PAH: variants seen among roughly 807,000 people sequenced by gnomAD.
PAH encodes phenylalanine-4-hydroxylase.
PAH carries 64 observed loss-of-function variants against 62.0 expected under a neutral mutation model. The ratio of observed to expected loss-of-function variants is 1.03; its 90% CI spans 0.84 to 1.27. The LOEUF (loss-of-function observed/expected upper bound fraction) is 1.27, where lower values mean the gene tolerates loss of function less well. Ranked by LOEUF, PAH falls within the 50% of genes most tolerant of loss-of-function variation. PAH has a pLI of 0.00. For missense variants in PAH, 579 were observed against 542.8 expected (o/e 1.07, Z -0.66); for synonymous variants, 195 against 196.2 (o/e 0.99, Z 0.05).
At chr12:102,950,217 C>T (rs942980312) in intron 1 of PAH, 3 of 152,260 alleles carry the variant, frequency 2.0e-5, no homozygotes, top group South Asian at 4.1e-4. Flanking sequence ...CCTCTCTCTT[C>T]CTCTTCCTCT....
At chr12:102,896,716 T>A (rs1877520067) in intron 2 of PAH, among the ~76,000 whole-genome samples, 1 of 152,176 alleles carries the variant, frequency 6.6e-6, no homozygotes. Context: ...TCATATTCCA[T>A]GCCACCCTCA....
intron 3 of PAH, among the ~76,000 whole-genome samples, chr12:102,891,976 G>C (rs1877296010): frequency 6.6e-6 from 1 of 152,156 alleles, no homozygotes; most frequent in Non-Finnish European, 1.5e-5. Context: ...GTTGAGAGCA[G>C]GTGGCCGGAA....
In PAH at chr12:102,892,470, C is replaced by T. The variant is rs116284140; in HGVS notation, c.352+2265G>A. Reference sequence around the variant, plus strand: ...AATCAGTTGAAAACTTATCTTCACACAAAAAAACTGCACATAAATGTTTAT... The same window carrying T: ...AATCAGTTGAAAACTTATCTTCACATAAAAAAACTGCACATAAATGTTTAT... On this transcript the variant is annotated intron_variant, in intron 3 of 12. Coordinates refer to ENST00000553106, the MANE Select transcript of PAH (RefSeq NM_000277.3). 7.0e-3 allele frequency among the ~76,000 whole-genome samples: 1,065 copies of T among 152,220 alleles called. 18 individuals are homozygous for T. The highest frequency in any genetic ancestry group is 0.024 in the African/African-American group (1,017 of 41,552).
At chr12:102,909,029 T>C (rs964987065) in intron 2 of PAH, among the ~76,000 whole-genome samples, 1 of 151,976 alleles carries the variant, frequency 6.6e-6, no homozygotes, top group Non-Finnish European at 1.5e-5. Flanking sequence ...GGTTTCACCA[T>C]GTTGGCCAGG....
chr12:102,897,483 AT>A (rs1565867745), intron 2 of PAH, among the ~76,000 whole-genome samples: 6 of 146,618 alleles, frequency 4.1e-5, no homozygotes, highest in African/African-American at 1.5e-4. Flanking sequence ...ATATATATAT[AT>A]ATATATATAA....
chr12:102,942,326 C>T (rs1879324269), intron 1 of PAH, among the ~76,000 whole-genome samples: 1 of 152,028 alleles, frequency 6.6e-6, no homozygotes, highest in Non-Finnish European at 1.5e-5. Context: ...ACAATAGCCA[C>T]AAAAATAATA....
chr12:102,866,053 G>C (rs1875941706), intron 5 of PAH, among the ~76,000 whole-genome samples: 1 of 148,030 alleles, frequency 6.8e-6, no homozygotes, highest in Non-Finnish European at 1.5e-5. Flanking sequence ...GCTAAAATAG[G>C]GTAGGGGAGG....
intron 3 of PAH, among the ~76,000 whole-genome samples, chr12:102,885,440 C>T (rs772014742): frequency 8.5e-5 from 13 of 152,300 alleles, no homozygotes; most frequent in African/African-American, 1.7e-4. Context: ...GCCTCTCCGG[C>T]GGGCGGCTGG....
chr12:102,907,346 T>C (rs527299194), intron 2 of PAH, among the ~76,000 whole-genome samples: 3 of 152,270 alleles, frequency 2.0e-5, no homozygotes, highest in East Asian at 3.9e-4. Context: ...TGGGGTGTAA[T>C]AGAAAGATCA....
At chr12:102,863,492 A>G (rs1875821444) in intron 5 of PAH, among the ~76,000 whole-genome samples, 1 of 152,172 alleles carries the variant, frequency 6.6e-6, no homozygotes, top group African/African-American at 2.4e-5. Context: ...AAGCCAATTG[A>G]AATCCCTCAT....
At chr12:102,945,027 A>G (rs1879438457) in intron 1 of PAH, 1 of 152,276 alleles carries the variant, frequency 6.6e-6, no homozygotes, top group South Asian at 2.1e-4. Flanking sequence ...TTACAGAGGT[A>G]CCACCTTGGT....
rs188389221 is a variant in PAH at position 102,928,393 on chromosome 12, A to G, written c.-95-11168T>C. Among the ~76,000 whole-genome samples the G allele has an allele frequency of 8.5e-5, 13 of 152,112 alleles. No individual in the cohort carries two copies. The East Asian group carries it at 2.5e-3, about 29-fold the overall frequency. On this transcript the variant is annotated intron_variant, in intron 1 of 3. Transcript: ENST00000546844. ...TAGTATTCTCATTGTGTGGATGAGA[A>G]GTCTGAGATATTGTAGTCTTCTGGG...
upstream of PAH, among the ~76,000 whole-genome samples, chr12:102,918,413 C>T (rs538716829): frequency 2.2e-4 from 34 of 152,066 alleles, no homozygotes; most frequent in Middle Eastern, 3.4e-3. Flanking sequence ...AAGCCCATCC[C>T]TCTCCTCCCA....
chr12:102,891,854 C>T (rs1466548851), intron 3 of PAH, among the ~76,000 whole-genome samples: 4 of 152,200 alleles, frequency 2.6e-5, no homozygotes, highest in African/African-American at 9.6e-5. Context: ...CTGTCAATTG[C>T]TTTGATTTCC....
Position 102,846,877 on chromosome 12 carries a change from G to A in PAH, c.969+18C>T, listed in dbSNP as rs1348193114. On this transcript the variant is annotated intron_variant, in intron 9 of 12. Coordinates refer to ENST00000553106, the MANE Select transcript of PAH (RefSeq NM_000277.3). ...CCTATAGCACTCCACCATCCACCCA[G>A]GGAGAGAAGGGACTTACTGTGGCGA... is the stretch of plus-strand genomic sequence containing the variant. The A allele has an allele frequency of 3.1e-6, 5 of 1,608,878 alleles. No individual in the cohort carries two copies. Among genetic ancestry groups the A allele is most frequent in the African/African-American group, 1.3e-5 (1 of 74,902 alleles).
intron 8 of PAH, among the ~76,000 whole-genome samples, chr12:102,848,893 G>A (rs1202679370): frequency 1.3e-5 from 2 of 149,656 alleles, no homozygotes; most frequent in African/African-American, 5.0e-5. Flanking sequence ...GTGGAGGGTA[G>A]ACAGAACACA....
At chr12:102,902,504 A>C (rs762014499) in intron 2 of PAH, among the ~76,000 whole-genome samples, 2 of 152,192 alleles carry the variant, frequency 1.3e-5, no homozygotes, top group Non-Finnish European at 2.9e-5. Flanking sequence ...ATTTGGGGTG[A>C]GATACGGTAG....
intron 2 of PAH, among the ~76,000 whole-genome samples, chr12:102,900,839 C>T (rs1877723916): frequency 6.6e-6 from 1 of 152,124 alleles, no homozygotes; most frequent in East Asian, 1.9e-4. Context: ...ACGCTCACCA[C>T]ATCTTTGCTG....
At chr12:102,885,572 C>A (rs1416403390) in intron 3 of PAH, among the ~76,000 whole-genome samples, 2 of 152,158 alleles carry the variant, frequency 1.3e-5, no homozygotes, top group Non-Finnish European at 2.9e-5. Context: ...AAGCAGCCCG[C>A]TGGAGAGCTG....
Sources: allele counts gnomAD v4.1 joint callset (sites outside exome capture counted in the v4.1 genomes callset), GRCh38; gene constraint gnomAD v4.1.1; transcripts MANE v1.5; gene names NCBI Gene and HGNC (gene_info 2026-07-23, HGNC 2026-07-21).